MARK1: variants seen among roughly 807,000 people sequenced by gnomAD.
MARK1 encodes serine/threonine-protein kinase MARK1.
MARK1 carries 40 observed loss-of-function variants against 96.3 expected under a neutral mutation model. The ratio of observed to expected loss-of-function variants is 0.42; its 90% CI spans 0.32 to 0.54. The LOEUF (loss-of-function observed/expected upper bound fraction) is 0.54, where lower values mean the gene tolerates loss of function less well. Among genes scored for constraint, MARK1 ranks in the 20% least tolerant of loss-of-function variants. The pLI is 0.16. For missense variants in MARK1, 719 were observed against 984.6 expected (o/e 0.73, Z 3.61); for synonymous variants, 317 against 341.2 (o/e 0.93, Z 0.78).
In MARK1 at chr1:220,581,078, T is replaced by A; in HGVS notation, c.269T>A (p.Ile90Lys). ...CTTCTTTTTTAGGTTGCTGTGAAAA[T>A]AATAGACAAAACTCAGCTAAATCCT... is the stretch of plus-strand genomic sequence containing the variant. ...VLTGREVAVK[I>K]IDKTQLNPTS... The change falls in exon 3 of 18, where the codon ATA becomes AAA. Residue 90 changes from isoleucine to lysine, a missense_variant. By Grantham distance (102) the Ile-to-Lys change is moderately radical. Transcript: ENST00000366917. The A allele has an allele frequency of 7.7e-7, 1 of 1,290,596 alleles. No homozygotes were observed. 79.9% of individuals were successfully genotyped at this position (1,290,596 alleles called of 1,614,324 possible).
intron 13 of MARK1, among the ~76,000 whole-genome samples, chr1:220,649,804 G>T (rs1264547360): frequency 6.6e-6 from 1 of 152,116 alleles, no homozygotes; most frequent in Non-Finnish European, 1.5e-5. Context: ...TGCTGGGTTA[G>T]TCAAAAGTAG....
chr1:220,581,196 A>G, intron 3 of MARK1, 78 bp downstream of exon 3: 1 of 466,960 alleles, frequency 2.1e-6, no homozygotes, highest in Non-Finnish European at 3.7e-6. Context: ...CAGTCATTCT[A>G]AATTTTCTAT....
intron 6 of MARK1, among the ~76,000 whole-genome samples, chr1:220,604,631 A>G (rs2102923232): frequency 6.6e-6 from 1 of 152,188 alleles, no homozygotes; most frequent in South Asian, 2.1e-4. Context: ...AAGAAACTCC[A>G]AATTGTGGCA....
chr1:220,577,479 T>G (rs1663942901), intron 1 of MARK1, among the ~76,000 whole-genome samples: 1 of 152,258 alleles, frequency 6.6e-6, no homozygotes, highest in African/African-American at 2.4e-5. Context: ...TACTCCTTCT[T>G]ACATTATTTT....
intron 13 of MARK1, among the ~76,000 whole-genome samples, chr1:220,647,900 C>A (rs7524156): frequency 6.6e-6 from 1 of 151,874 alleles, no homozygotes; most frequent in Admixed American, 6.6e-5. Flanking sequence ...CAGAGGAGGG[C>A]GGAGGTCGCG....
intron 9 of MARK1, among the ~76,000 whole-genome samples, chr1:220,622,273 C>T (rs1356663773): frequency 1.3e-5 from 2 of 152,048 alleles, no homozygotes; most frequent in Non-Finnish European, 2.9e-5. Context: ...AGTGTTTAAC[C>T]AAGATGGACT....
chr1:220,634,400 C>G (rs1667834888), intron 11 of MARK1, among the ~76,000 whole-genome samples: 1 of 152,116 alleles, frequency 6.6e-6, no homozygotes, highest in Non-Finnish European at 1.5e-5. Context: ...CCACCCCTGC[C>G]CTACCCCAGC....
At chr1:220,622,153 T>G (rs984507064) in intron 9 of MARK1, among the ~76,000 whole-genome samples, 2 of 149,730 alleles carry the variant, frequency 1.3e-5, no homozygotes, top group Non-Finnish European at 3.0e-5. Flanking sequence ...TACACTAGGG[T>G]TTTTTTTAAC....
intron 1 of MARK1, among the ~76,000 whole-genome samples, chr1:220,532,978 C>A (rs996398150): frequency 6.6e-6 from 1 of 150,540 alleles, no homozygotes; most frequent in African/African-American, 2.4e-5. Context: ...CCGCTGCACT[C>A]CAGCCCGGGT....
At chr1:220,631,729 AG>A (rs1472816446) in intron 10 of MARK1, among the ~76,000 whole-genome samples, 4 of 152,112 alleles carry the variant, frequency 2.6e-5, no homozygotes, top group Admixed American at 1.3e-4. Context: ...AGAGCATTTT[AG>A]GGTGTTAGGA....
chr1:220,662,107 G>GGGA lies in MARK1; in HGVS notation c.2330_2332dup (p.Gly777_Thr778insArg). ...TGGGGTTCGCTTCAAGCGAATATCT[G>GGGA]GGACATCTATTGCCTTTAAGAACAT... On this transcript the variant is annotated inframe_insertion, in exon 18 of 18. Coordinates refer to ENST00000366917, the MANE Select transcript of MARK1 (RefSeq NM_018650.5). 6.2e-7 allele frequency: 1 copy of GGGA among 1,614,094 alleles called. No individual in the cohort carries two copies. The highest frequency in any genetic ancestry group is 8.5e-7 in the Non-Finnish European group (1 of 1,180,026).
rs1665620464 is a variant in MARK1, at chr1:220,599,850, A to G, written c.411A>G (p.Glu137=). The G allele has an allele frequency of 1.0e-5, 16 of 1,607,892 alleles. No homozygotes were observed. Among genetic ancestry groups the G allele is most frequent in the Non-Finnish European group, 1.3e-5 (15 of 1,176,616 alleles). Reference sequence around the variant, plus strand: ...AGAAGACTCTCTATTTAGTCATGGAATACGCGAGTGGGGGTAAGAATGAGG... The same window carrying G: ...AGAAGACTCTCTATTTAGTCATGGAGTACGCGAGTGGGGGTAAGAATGAGG... ...ETEKTLYLVM[E]YASGGEVFDY... The change falls in exon 5 of 18, where the codon GAA becomes GAG. Residue 137 remains glutamate, a synonymous_variant. Coordinates refer to ENST00000366917, the MANE Select transcript of MARK1 (RefSeq NM_018650.5).
chr1:220,561,187 G>T (rs771166822), intron 1 of MARK1, among the ~76,000 whole-genome samples: 6 of 152,122 alleles, frequency 3.9e-5, no homozygotes, highest in Non-Finnish European at 8.8e-5. Flanking sequence ...AGGCTTTGAG[G>T]TTAAAGAAAG....
At position 220,661,834 on chromosome 1, in the gene MARK1, G is replaced by C. The variant is rs757236110; in HGVS notation, c.2056G>C (p.Glu686Gln). 1.9e-6 allele frequency: 3 copies of C among 1,609,318 alleles called. No individual in the cohort carries two copies. Among genetic ancestry groups the C allele is most frequent in the Non-Finnish European group, 2.5e-6 (3 of 1,177,108 alleles). The change falls in exon 18 of 18, where the codon GAA (glutamate) becomes CAA (glutamine). Residue 686 changes from glutamate to glutamine, a missense_variant. This residue lies in a region of MARK1 where 501 missense variants were observed against 588.3 expected (regional missense o/e 0.85). Coordinates refer to ENST00000366917, the MANE Select transcript of MARK1 (RefSeq NM_018650.5). ...TSRSTSGEPK[E>Q]RDKEEGKDSK... The stretch of plus-strand genomic sequence containing the variant: ...CAGAAGTACATCAGGGGAACCAAAA[G>C]AAAGAGACAAGGAAGAGGGTAAAGA...
intron 17 of MARK1, among the ~76,000 whole-genome samples, chr1:220,659,651 G>A (rs1242076650): frequency 6.6e-6 from 1 of 152,172 alleles, no homozygotes; most frequent in Non-Finnish European, 1.5e-5. Context: ...CAGTGGTAAT[G>A]TCTGTGAGAC....
At chr1:220,590,563 G>A (rs1344559609) in intron 3 of MARK1, among the ~76,000 whole-genome samples, 4 of 152,124 alleles carry the variant, frequency 2.6e-5, no homozygotes, top group African/African-American at 9.7e-5. Flanking sequence ...GTCACACTGG[G>A]CATTAGGGAT....
chr1:220,553,546 C>G (rs1269932868), intron 1 of MARK1, among the ~76,000 whole-genome samples: 1 of 152,186 alleles, frequency 6.6e-6, no homozygotes, highest in East Asian at 1.9e-4. Flanking sequence ...TCAAGACCTG[C>G]TCAAGCTTTA....
intron 1 of MARK1, 77 bp downstream of exon 1, chr1:220,528,950 C>G: frequency 1.4e-6 from 2 of 1,428,858 alleles, no homozygotes; most frequent in South Asian, 2.8e-5. Context: ...GCGCTTGGGC[C>G]GTCCCCCGTG....
chr1:220,529,266 T>G (rs1660145570), intron 1 of MARK1, among the ~76,000 whole-genome samples: 1 of 152,144 alleles, frequency 6.6e-6, no homozygotes, highest in Non-Finnish European at 1.5e-5. Context: ...GCCGGCTACC[T>G]CTCACACTCT....
Sources: gnomAD v4.1 joint callset for allele counts (sites outside exome capture counted in the v4.1 genomes callset) on GRCh38, gnomAD v4.1.1 for gene constraint, gnomAD v4.1.1 regional missense constraint, MANE v1.5 for transcripts, NCBI Gene and HGNC (gene_info 2026-07-23, HGNC 2026-07-21) for gene names.